Variants in CAMK4 observed in about 807,000 individuals in gnomAD.
CAMK4 encodes the protein calcium/calmodulin dependent protein kinase IV, also known as calcium/calmodulin-dependent protein kinase type IV.
Under a neutral mutation model 44.9 loss-of-function variants are expected in CAMK4, and 22 were observed. That is an observed-to-expected ratio of 0.49 (90% CI 0.35 to 0.70). The LOEUF (loss-of-function observed/expected upper bound fraction) is 0.70. Ranked by LOEUF, CAMK4 falls within the 30% of genes least tolerant of loss-of-function variation. The pLI, the probability that CAMK4 is intolerant of heterozygous loss-of-function variation, is 0.01. For synonymous variants in CAMK4, 218 were observed against 215.4 expected (o/e 1.01, Z -0.11); for missense variants, 498 against 586.8 (o/e 0.85, Z 1.56).
intron 1 of CAMK4, among the ~76,000 whole-genome samples, chr5:111,250,418 C>G (rs916318069): frequency 3.9e-5 from 6 of 152,176 alleles, no homozygotes; most frequent in African/African-American, 1.4e-4. Flanking sequence ...ATAATGGGCT[C>G]AAAATATCAG....
At chr5:111,258,854 A>G (rs1749856944) in intron 1 of CAMK4, among the ~76,000 whole-genome samples, 1 of 152,040 alleles carries the variant, frequency 6.6e-6, no homozygotes. Flanking sequence ...AGAAAAATCC[A>G]AAAAGATACG....
At chr5:111,253,400 A>T (rs927021715) in intron 1 of CAMK4, among the ~76,000 whole-genome samples, 3 of 152,266 alleles carry the variant, frequency 2.0e-5, no homozygotes, top group African/African-American at 7.2e-5. Context: ...AGACATTTCC[A>T]GTTCCGGACA....
intron 2 of CAMK4, among the ~76,000 whole-genome samples, chr5:111,361,898 G>T (rs922881831): frequency 6.6e-6 from 1 of 151,960 alleles, no homozygotes; most frequent in East Asian, 1.9e-4. Context: ...AAATAAAATT[G>T]TGTTTCATGT....
chr5:111,280,041 T>C (rs1411261549), intron 1 of CAMK4, among the ~76,000 whole-genome samples: 1 of 152,192 alleles, frequency 6.6e-6, no homozygotes, highest in Non-Finnish European at 1.5e-5. Flanking sequence ...CACCTGTCAA[T>C]TTCATGTGTG....
chr5:111,415,454 C>T (rs965475140), intron 5 of CAMK4, among the ~76,000 whole-genome samples: 1 of 152,146 alleles, frequency 6.6e-6, no homozygotes, highest in Non-Finnish European at 1.5e-5. Context: ...GAAGTGCTTC[C>T]TTTAAGTGAA....
chr5:111,373,671 G>C (rs1751098986), intron 2 of CAMK4, among the ~76,000 whole-genome samples: 1 of 152,124 alleles, frequency 6.6e-6, no homozygotes, highest in Admixed American at 6.6e-5. Flanking sequence ...TGAAAGGGGA[G>C]AACCCATTTC....
intron 1 of CAMK4, among the ~76,000 whole-genome samples, chr5:111,255,902 T>A (rs1196221520): frequency 6.6e-6 from 1 of 152,224 alleles, no homozygotes; most frequent in Non-Finnish European, 1.5e-5. Flanking sequence ...AATAGTGTTA[T>A]TGGAAATTAA....
At chr5:111,309,170 G>A (rs1160756552) in intron 1 of CAMK4, among the ~76,000 whole-genome samples, 1 of 152,170 alleles carries the variant, frequency 6.6e-6, no homozygotes, top group African/African-American at 2.4e-5. Flanking sequence ...AGGGCACATC[G>A]CTTAACAATT....
At chr5:111,291,299 ATAT>A (rs1747241338) in intron 1 of CAMK4, among the ~76,000 whole-genome samples, 1 of 152,200 alleles carries the variant, frequency 6.6e-6, no homozygotes, top group Admixed American at 6.5e-5. Context: ...AATACAATAA[ATAT>A]TATTTTAGAA....
Position 111,224,789 on chromosome 5 carries a change from C to G in CAMK4, c.161+145C>G, listed in dbSNP as rs905825372. 6.3e-5 allele frequency: 51 copies of G among 815,758 alleles called. No individual in the cohort carries two copies. Among genetic ancestry groups the G allele is most frequent in the Non-Finnish European group, 8.3e-5 (45 of 540,726 alleles). The allele number at this position is 815,758 out of a possible 1,614,324, so 50.5% of individuals were successfully genotyped here. On this transcript the variant is annotated intron_variant, in intron 1 of 10. Transcript: ENST00000282356. The surrounding 1 kb of genome is among the most constrained non-coding windows in gnomAD (Gnocchi z 5.7). ...GTTAGTGTCTTGAGAGAGAGCTAAC[C>G]TTCATTCAGGTGCGGCTCGAGTCCT...
chr5:111,328,849 G>A (rs1208928702), intron 1 of CAMK4, among the ~76,000 whole-genome samples: 2 of 152,016 alleles, frequency 1.3e-5, no homozygotes, highest in African/African-American at 4.8e-5. Context: ...TGTGATTTTT[G>A]TACATTGATT....
chr5:111,236,893 A>C lies in CAMK4; in HGVS notation c.161+12249A>C, dbSNP rs1216323935. 3.3e-5 allele frequency among the ~76,000 whole-genome samples: 5 copies of C among 152,234 alleles called. No individual in the cohort carries two copies. In the East Asian group the frequency reaches 9.6e-4, roughly 29 times the overall value. ...CTGCCTCCCCTTAAGTGTTTCTGGA[A>C]CATTATGTGAATGAACAAATGTCAG... On this transcript the variant is annotated intron_variant, in intron 1 of 10. Coordinates refer to ENST00000282356, the MANE Select transcript of CAMK4 (RefSeq NM_001744.6).
chr5:111,353,549 G>A (rs1750201788), intron 2 of CAMK4, among the ~76,000 whole-genome samples: 1 of 151,948 alleles, frequency 6.6e-6, no homozygotes, highest in Non-Finnish European at 1.5e-5. Flanking sequence ...GAGAATTCTT[G>A]GTAGAAGTAA....
chr5:111,223,808 C>A (rs1748030832), upstream of CAMK4: 1 of 152,666 alleles, frequency 6.6e-6, no homozygotes, highest in Non-Finnish European at 1.5e-5. This position sits in a 1 kb window ranked among gnomAD's most constrained non-coding sequence, Gnocchi z 4.3. Context: ...GTACTCCCTC[C>A]CCGGCCACCA....
intron 1 of CAMK4, among the ~76,000 whole-genome samples, chr5:111,237,184 AT>A (rs1394958557): frequency 1.3e-5 from 2 of 152,156 alleles, no homozygotes; most frequent in Non-Finnish European, 2.9e-5. Context: ...AGTTGCACCC[AT>A]GGGGTTTCCA....
At chr5:111,237,682 T>C (rs1190808503) in intron 1 of CAMK4, among the ~76,000 whole-genome samples, 1 of 152,226 alleles carries the variant, frequency 6.6e-6, no homozygotes, top group Non-Finnish European at 1.5e-5. Flanking sequence ...TAGAAAAGAA[T>C]CATTCTTTTT....
At position 111,290,123 on chromosome 5, in the gene CAMK4, C is replaced by T. The variant is rs572350933; in HGVS notation, c.162-53901C>T. ...TGTGCATTCAAGGCCTGTCAAGTAT[C>T]GTATATATGCCATTGGTTCAACACA... On this transcript the variant is annotated intron_variant, in intron 1 of 10. Coordinates refer to ENST00000282356, the MANE Select transcript of CAMK4 (RefSeq NM_001744.6). The surrounding 1 kb of genome is among the most constrained non-coding windows in gnomAD (Gnocchi z 4.5). 2.0e-5 allele frequency among the ~76,000 whole-genome samples: 3 copies of T among 152,218 alleles called. No individual in the cohort carries two copies. Among genetic ancestry groups the T allele is most frequent in the East Asian group, 1.9e-4 (1 of 5,166 alleles).
At chr5:111,477,440 C>T (rs1755286040) in intron 8 of CAMK4, among the ~76,000 whole-genome samples, 1 of 152,144 alleles carries the variant, frequency 6.6e-6, no homozygotes, top group Admixed American at 6.6e-5. Context: ...TCCTCCCTCC[C>T]ACCCTCATTT....
At chr5:111,425,019 C>G (rs944679545) in intron 5 of CAMK4, among the ~76,000 whole-genome samples, 22 of 151,960 alleles carry the variant, frequency 1.4e-4, no homozygotes, top group African/African-American at 5.3e-4. Context: ...CAAAAATTAG[C>G]TGGGCATGGT....
Sources: allele counts gnomAD v4.1 joint callset (sites outside exome capture counted in the v4.1 genomes callset), GRCh38; gene constraint gnomAD v4.1.1; non-coding constraint Gnocchi (gnomAD v3.1); transcripts MANE v1.5; gene names NCBI Gene and HGNC (gene_info 2026-07-23, HGNC 2026-07-21).